TM7SF3: variants seen among roughly 807,000 people sequenced by gnomAD.
The protein encoded by TM7SF3 is seven span transmembrane protein.
TM7SF3 carries 60 observed loss-of-function variants against 65.5 expected under a neutral mutation model. The ratio of observed to expected loss-of-function variants is 0.92; its 90% CI spans 0.74 to 1.14. TM7SF3 has a LOEUF of 1.14. Ranked by LOEUF, TM7SF3 falls within the 50% of genes most tolerant of loss-of-function variation. TM7SF3 has a pLI of 0.00. For missense variants in TM7SF3, 623 were observed against 684.8 expected (o/e 0.91, Z 1.01); for synonymous variants, 264 against 259.6 (o/e 1.02, Z -0.16).
rs1301842152 is a variant in TM7SF3, at chr12:26,990,493, G to A, written c.825C>T (p.Tyr275=). The change falls in exon 6 of 12, where the codon TAC becomes TAT. Residue 275 remains tyrosine, a synonymous_variant. Transcript: ENST00000343028. The stretch of plus-strand genomic sequence containing the variant: ...CCTCTCCTGCCTCAAAGCTGCAAGC[G>A]TATGTGTGAGCAGGAATGTAGGCAG... ...TSAAYIPAHT[Y]ACSFEAGEGS... 2.5e-5 allele frequency: 40 copies of A among 1,613,892 alleles called. 1 individual carries two copies. In the East Asian group the frequency reaches 4.7e-4, roughly 19 times the overall value.
intron 9 of TM7SF3, 73 bp downstream of exon 9, chr12:26,979,711 A>G: frequency 6.5e-7 from 1 of 1,535,466 alleles, no homozygotes; most frequent in Non-Finnish European, 8.9e-7. Context: ...ACACCACTCC[A>G]GGATGCAAAT....
At chr12:27,012,576 C>A (rs1005618099) in intron 1 of TM7SF3, 3 of 455,424 alleles carry the variant, frequency 6.6e-6, no homozygotes, top group Admixed American at 2.4e-5. Flanking sequence ...ACATGATGAT[C>A]TGCCTGGCAC....
chr12:27,003,804 G>A (rs1292152093), intron 1 of TM7SF3, among the ~76,000 whole-genome samples: 1 of 152,192 alleles, frequency 6.6e-6, no homozygotes, highest in East Asian at 1.9e-4. Context: ...TCTGAAGTCA[G>A]CGTAGCCCGA....
At chr12:26,990,742 T>A in intron 5 of TM7SF3, 115 bp from the exon 6 acceptor site, 1 of 764,158 alleles carries the variant, frequency 1.3e-6, no homozygotes, top group Non-Finnish European at 2.1e-6. Flanking sequence ...AATTCTTGCT[T>A]AAAATATACA....
At position 27,005,958 on chromosome 12, in the gene TM7SF3, C is replaced by T. The variant is rs181585593; in HGVS notation, c.92-2568G>A. Among the ~76,000 whole-genome samples, 67 of 150,078 alleles carry T rather than the reference C, an allele frequency of 4.5e-4. No individual in the cohort carries two copies. The Middle Eastern group carries it at 0.01, about 23-fold the overall frequency. On this transcript the variant is annotated intron_variant, in intron 1 of 11. Transcript: ENST00000343028. ...GGGATTACAGGCATGTGCCACCACGCCTGGCTAATTTTTGTATTTTTAGTA... is the reference window on the plus strand; with the variant it reads ...GGGATTACAGGCATGTGCCACCACGTCTGGCTAATTTTTGTATTTTTAGTA...
In TM7SF3 at chr12:26,974,025, C is replaced by T. The variant is rs758707535; in HGVS notation, c.1653G>A (p.Gln551=). 6 of 1,614,042 alleles carry T rather than the reference C, an allele frequency of 3.7e-6. No individual in the cohort carries two copies. The African/African-American group carries it at 5.3e-5, about 14-fold the overall frequency. The change falls in exon 12 of 12, where the codon CAG becomes CAA. Residue 551 remains glutamine, a synonymous_variant. Transcript: ENST00000343028. The part of the protein sequence containing the change: ...LRERLYGRLT[Q]IKGLFQKEQP... ...GCTCCTTCTGGAAGAGCCCTTTAAT[C>T]TGGGTTAATCGGCCATAGAGCCTCT...
At chr12:26,986,067 A>C (rs1432121188) in intron 6 of TM7SF3, among the ~76,000 whole-genome samples, 4 of 150,582 alleles carry the variant, frequency 2.7e-5, no homozygotes, top group Non-Finnish European at 5.9e-5. Flanking sequence ...TGACCTCGTG[A>C]TCCGCCCGCC....
chr12:27,008,405 G>T (rs759069412), intron 1 of TM7SF3, among the ~76,000 whole-genome samples: 7 of 152,088 alleles, frequency 4.6e-5, no homozygotes, highest in South Asian at 2.1e-4. Flanking sequence ...TCAATTTTAG[G>T]AGTTTTTAAT....
chr12:26,981,474 A>C (rs1939813147), intron 7 of TM7SF3, among the ~76,000 whole-genome samples: 1 of 151,922 alleles, frequency 6.6e-6, no homozygotes, highest in Admixed American at 6.6e-5. Context: ...ACTACACTGC[A>C]CTCCAGCCTA....
In TM7SF3 at chr12:26,979,727, T is replaced by A. The variant is rs1055467113; in HGVS notation, c.1189+57A>T. 3.8e-6 allele frequency: 6 copies of A among 1,585,756 alleles called. No individual in the cohort carries two copies. In the South Asian group the frequency reaches 6.8e-5, roughly 18 times the overall value. ...CACCACTCCAGGATGCAAATCCAAT[T>A]AGGCAGTATTCAAACAGTCACTCGA... On this transcript the variant is annotated intron_variant, in intron 9 of 11. Transcript: ENST00000343028.
intron 4 of TM7SF3, among the ~76,000 whole-genome samples, 184 bp from the exon 5 acceptor site, chr12:26,995,592 G>A (rs1263323483): frequency 6.6e-6 from 1 of 152,202 alleles, no homozygotes; most frequent in Non-Finnish European, 1.5e-5. Flanking sequence ...CTGAATGTTT[G>A]TGTCTCCCCA....
chr12:26,997,014 C>T (rs927310060), intron 3 of TM7SF3, 152 bp from the exon 4 acceptor site: 1 of 976,230 alleles, frequency 1.0e-6, no homozygotes, highest in East Asian at 2.8e-5. Flanking sequence ...ATTTCATGAA[C>T]TGAGGTTAAA....
chr12:26,991,141 CTTTTTTTTTT>C (rs35362439), intron 5 of TM7SF3, among the ~76,000 whole-genome samples: 9 of 107,484 alleles, frequency 8.4e-5, no homozygotes, highest in Admixed American at 1.0e-4. Context: ...AGTAGTAGTT[CTTTTTTTTTT>C]TTTTTTTTTT....
In TM7SF3 at chr12:27,003,491, T is replaced by A. The variant is rs535627173; in HGVS notation, c.92-101A>T. The A allele has an allele frequency of 3.6e-4, 411 of 1,144,066 alleles. 1 individual carries two copies. The highest frequency in any genetic ancestry group is 1.9e-3 in the Middle Eastern group (7 of 3,644). 70.9% of individuals were successfully genotyped at this position (1,144,066 alleles called of 1,614,324 possible). On this transcript the variant is annotated intron_variant, in intron 1 of 11. Coordinates refer to ENST00000343028, the MANE Select transcript of TM7SF3 (RefSeq NM_016551.3). ...TGTGGAATTTAATCCTCAGAAAAACTCCTTGAGGTAAATATGGTTATTGCT... is the reference window on the plus strand; with the variant it reads ...TGTGGAATTTAATCCTCAGAAAAACACCTTGAGGTAAATATGGTTATTGCT...
At chr12:27,005,099 T>C (rs961278830) in intron 1 of TM7SF3, among the ~76,000 whole-genome samples, 3 of 152,242 alleles carry the variant, frequency 2.0e-5, no homozygotes, top group Admixed American at 6.5e-5. Flanking sequence ...TAAAACTATA[T>C]GGATTTCAGT....
At chr12:26,999,781 T>TAA in intron 2 of TM7SF3, 105 bp from the exon 3 acceptor site, 1 of 1,195,670 alleles carries the variant, frequency 8.4e-7, no homozygotes, top group Non-Finnish European at 1.2e-6. Flanking sequence ...CCAAAACAAA[T>TAA]AGAAAAAAAA....
In TM7SF3 at chr12:26,973,251, C is replaced by T. The variant is rs1196024065; in HGVS notation, c.*714G>A. The T allele has an allele frequency of 6.6e-6, 1 of 151,798 alleles. No homozygotes were observed. The highest frequency in any genetic ancestry group is 1.5e-5 in the Non-Finnish European group (1 of 67,996). 9.4% of individuals were successfully genotyped at this position (151,798 alleles called of 1,614,324 possible). A position where few individuals can be genotyped will look rare whatever the true frequency, so the allele number is the denominator to read the frequency against. On this transcript the variant is annotated 3_prime_UTR_variant, in exon 12 of 12. Transcript: ENST00000343028. ...AGTGCAGTGACACAATCAAGGCTCA[C>T]TGTAGCCTCAATCTTCAGGGCTCCA...
intron 9 of TM7SF3, chr12:26,979,125 C>T (rs766796975): frequency 2.0e-5 from 3 of 152,200 alleles, no homozygotes; most frequent in African/African-American, 7.2e-5. Context: ...GTCTAACAGT[C>T]CCATCAACTT....
Position 26,999,645 on chromosome 12 carries a change from G to A in TM7SF3, c.278C>T (p.Thr93Ile). Residue 93 changes from threonine (T) to isoleucine (I), a missense_variant, in exon 3 of 12, where the codon ACT (threonine) becomes ATT (isoleucine). Transcript: ENST00000343028. ...AAGGATGAAAACCAGTCCACTGGCA[G>A]TGCCTGTTTCCGAGGAATTGGAAAG... ...TLLSNSSETG[T>I]ASGLVFILRP... 1.2e-6 allele frequency: 2 copies of A among 1,614,154 alleles called. No individual in the cohort carries two copies. The highest frequency in any genetic ancestry group is 1.7e-6 in the Non-Finnish European group (2 of 1,180,036).
Sources: allele counts gnomAD v4.1 joint callset (sites outside exome capture counted in the v4.1 genomes callset), GRCh38; gene constraint gnomAD v4.1.1; transcripts MANE v1.5; gene names NCBI Gene and HGNC (gene_info 2026-07-23, HGNC 2026-07-21).